Variants in ARMC10 observed in about 807,000 individuals in gnomAD.
ARMC10 encodes armadillo repeat-containing protein 10.
ARMC10 carries 23 observed loss-of-function variants against 30.2 expected under a neutral mutation model. That is an observed-to-expected ratio of 0.76 (90% CI 0.55 to 1.08). ARMC10 has a LOEUF of 1.08. Among genes scored for constraint, ARMC10 ranks in the 50% least tolerant of loss-of-function variants. The probability of loss-of-function intolerance (pLI) is 0.00; values close to 1 mark genes in which losing one functional copy is unlikely to be tolerated. For synonymous variants in ARMC10, 111 were observed against 164.4 expected (o/e 0.68, Z 2.48); for missense variants, 303 against 413.7 (o/e 0.73, Z 2.32).
intron 3 of ARMC10, chr7:103,084,192 G>A (rs776142155): frequency 2.9e-4 from 129 of 442,980 alleles, no homozygotes; most frequent in Non-Finnish European, 4.2e-4. Context: ...TCGGTCTTAT[G>A]AATATGATTC....
chr7:103,076,974 C>A (rs914258517), intron 2 of ARMC10, among the ~76,000 whole-genome samples: 1 of 152,218 alleles, frequency 6.6e-6, no homozygotes, highest in South Asian at 2.1e-4. Flanking sequence ...GCGGCGCAAT[C>A]ACAGCTGCAG....
At chr7:103,091,371 G>C (rs184299827) in intron 4 of ARMC10, among the ~76,000 whole-genome samples, 2 of 152,304 alleles carry the variant, frequency 1.3e-5, no homozygotes, top group East Asian at 3.9e-4. Context: ...ACAGAAAGTA[G>C]AGTTTCAGAA....
At chr7:103,086,420 TTAA>T (rs374575696) in intron 3 of ARMC10, among the ~76,000 whole-genome samples, 30 of 152,260 alleles carry the variant, frequency 2.0e-4, no homozygotes, top group East Asian at 1.5e-3. Context: ...ATTATATATC[TTAA>T]TAATCTTATT....
At chr7:103,088,386 A>T (rs1236148337) in intron 4 of ARMC10, among the ~76,000 whole-genome samples, 2 of 152,184 alleles carry the variant, frequency 1.3e-5, no homozygotes, top group Non-Finnish European at 2.9e-5. Flanking sequence ...AGAATTAATC[A>T]AGTATCAGTT....
chr7:103,085,528 A>AT (rs1365975483), intron 3 of ARMC10, among the ~76,000 whole-genome samples: 2 of 151,990 alleles, frequency 1.3e-5, no homozygotes, highest in Non-Finnish European at 2.9e-5. Flanking sequence ...CCAAAAGCAC[A>AT]TGGTAACATA....
At chr7:103,094,972 T>C (rs1801643149) in intron 5 of ARMC10, among the ~76,000 whole-genome samples, 1 of 150,606 alleles carries the variant, frequency 6.6e-6, no homozygotes, top group Non-Finnish European at 1.5e-5. Context: ...TAAAGAAATA[T>C]TTGATAAAAA....
chr7:103,088,029 G>T (rs1801004592), intron 4 of ARMC10, among the ~76,000 whole-genome samples: 1 of 152,144 alleles, frequency 6.6e-6, no homozygotes. Flanking sequence ...TGGAGGCTAT[G>T]TACCAAGTGT....
intron 2 of ARMC10, 67 bp downstream of exon 2, chr7:103,075,948 A>T: frequency 1.6e-6 from 2 of 1,238,258 alleles, no homozygotes. Flanking sequence ...CAAATGCATG[A>T]TTCGGTTTCT....
rs1217571311 is a variant in ARMC10, at chr7:103,097,295, C to G, written c.724C>G (p.Leu242Val). 11 of 1,613,876 alleles carry G rather than the reference C, an allele frequency of 6.8e-6. No homozygotes were observed. Among genetic ancestry groups the G allele is most frequent in the Non-Finnish European group, 9.3e-6 (11 of 1,179,900 alleles). Residue 242 changes from leucine to valine, a missense_variant, in exon 6 of 7, where the codon CTT (leucine) becomes GTT (valine). Leu to Val is a conservative substitution (Grantham distance 32). Transcript: ENST00000323716. ...CTTTCAGGTGCAAGTTTTGAAACTG[C>G]TTTTGAATTTGTCTGAAAATCCAGC... ...GNTKVQVLKL[L>V]LNLSENPAMT...
At chr7:103,092,436 T>C (rs567734247) in intron 4 of ARMC10, 41 bp from the exon 5 acceptor site, 2 of 1,481,202 alleles carry the variant, frequency 1.4e-6, no homozygotes, top group African/African-American at 1.4e-5. Flanking sequence ...TAGAAAAATT[T>C]TGGAGATTCT....
chr7:103,075,947 G>T, intron 2 of ARMC10, 66 bp downstream of exon 2: 1 of 1,249,664 alleles, frequency 8.0e-7, no homozygotes. Context: ...ACAAATGCAT[G>T]ATTCGGTTTC....
At chr7:103,093,152 C>G (rs6978630) in intron 5 of ARMC10, among the ~76,000 whole-genome samples, 99,538 of 152,068 alleles carry the variant, frequency 0.65, 35,256 homozygotes, top group Middle Eastern at 0.85. Context: ...AGGAGATGCC[C>G]TATAAAAAGT....
chr7:103,098,257 ATAT>A (rs1407452717), intron 6 of ARMC10, 39 bp from the exon 7 acceptor site: 26 of 1,255,926 alleles, frequency 2.1e-5, no homozygotes, highest in East Asian at 3.0e-5. Flanking sequence ...AAGTTTTCAT[ATAT>A]TATTAATATA....
In ARMC10 at chr7:103,097,416, G is replaced by C; in HGVS notation, c.777+68G>C. On this transcript the variant is annotated intron_variant, in intron 6 of 6. Coordinates refer to ENST00000323716, the MANE Select transcript of ARMC10 (RefSeq NM_031905.5). The stretch of plus-strand genomic sequence containing the variant: ...ACATTTGAACAGACAGACAGATCTG[G>C]AAAGATTAAGCCTAAAATGTTAACA... 4.3e-6 allele frequency: 5 copies of C among 1,174,912 alleles called. No homozygotes were observed. The South Asian group carries it at 6.5e-5, about 15-fold the overall frequency. The allele number at this position is 1,174,912 out of a possible 1,614,324, so 72.8% of individuals were successfully genotyped here.
intron 4 of ARMC10, among the ~76,000 whole-genome samples, chr7:103,087,321 T>TC (rs1311998081): frequency 1.3e-5 from 2 of 152,218 alleles, no homozygotes; most frequent in African/African-American, 4.8e-5. Context: ...GAATAACTGT[T>TC]CCTTTATCTT....
chr7:103,097,360 ATATATTTATTT>A lies in ARMC10; in HGVS notation c.777+14_777+24del. On this transcript the variant is annotated intron_variant, in intron 6 of 6. Transcript: ENST00000323716. Reference sequence around the variant, plus strand: ...TTCTCCGTGCCCAAGTAAATAGCTTATATATTTATTTTGTAAATATACACATATATACATTT... The same window carrying A: ...TTCTCCGTGCCCAAGTAAATAGCTTATGTAAATATACACATATATACATTT... 6.3e-7 allele frequency: 1 copy of A among 1,576,346 alleles called. No homozygotes were observed. Among genetic ancestry groups the A allele is most frequent in the East Asian group, 2.2e-5 (1 of 44,612 alleles).
intron 4 of ARMC10, among the ~76,000 whole-genome samples, chr7:103,091,418 T>C (rs1226397418): frequency 6.6e-6 from 1 of 152,178 alleles, no homozygotes; most frequent in East Asian, 1.9e-4. Flanking sequence ...GTGTCATGTA[T>C]GATACAAGAG....
chr7:103,083,277 T>C, intron 2 of ARMC10: 1 of 390,046 alleles, frequency 2.6e-6, no homozygotes, highest in South Asian at 1.9e-5. Context: ...GTAAAGTGCT[T>C]AATACTGTGC....
intron 5 of ARMC10, among the ~76,000 whole-genome samples, chr7:103,095,003 T>TTA (rs1801645507): frequency 6.6e-6 from 1 of 152,214 alleles, no homozygotes; most frequent in East Asian, 1.9e-4. Context: ...AAGCAAAGTA[T>TTA]TATGTCATCC....
Sources: gnomAD v4.1 joint callset for allele counts (sites outside exome capture counted in the v4.1 genomes callset) on GRCh38, gnomAD v4.1.1 for gene constraint, MANE v1.5 for transcripts, NCBI Gene and HGNC (gene_info 2026-07-23, HGNC 2026-07-21) for gene names.